ADGRV1: variants seen among roughly 807,000 people sequenced by gnomAD.
The protein encoded by ADGRV1 is adhesion G protein-coupled receptor V1.
Under a neutral mutation model 596.2 loss-of-function variants are expected in ADGRV1, and 359 were observed. That is an observed-to-expected ratio of 0.60 (90% CI 0.55 to 0.66). ADGRV1 has a LOEUF of 0.66. Ranked by LOEUF, ADGRV1 falls within the 30% of genes least tolerant of loss-of-function variation. The pLI, the probability that ADGRV1 is intolerant of heterozygous loss-of-function variation, is 0.00. For synonymous variants in ADGRV1, 2,681 were observed against 2,679.2 expected (o/e 1.00, Z -0.02); for missense variants, 7,274 against 7,575.6 (o/e 0.96, Z 1.48).
At chr5:90,662,289 G>T (rs1370069624) in intron 21 of ADGRV1, among the ~76,000 whole-genome samples, 1 of 151,264 alleles carries the variant, frequency 6.6e-6, no homozygotes, top group Non-Finnish European at 1.5e-5. Context: ...CACCTCCCGG[G>T]TTCACGCCAT....
At chr5:90,747,747 G>A (rs1480278123) in intron 52 of ADGRV1, among the ~76,000 whole-genome samples, 1 of 152,156 alleles carries the variant, frequency 6.6e-6, no homozygotes, top group East Asian at 1.9e-4. Context: ...CACAGTTTAG[G>A]CACTGGGAGC....
intron 83 of ADGRV1, among the ~76,000 whole-genome samples, chr5:90,874,107 C>T (rs1256610533): frequency 6.6e-6 from 1 of 152,134 alleles, no homozygotes; most frequent in Non-Finnish European, 1.5e-5. Flanking sequence ...CTCTGACCTC[C>T]ATCTCCCTCA....
intron 77 of ADGRV1, among the ~76,000 whole-genome samples, chr5:90,832,031 A>G (rs560080308): frequency 6.6e-6 from 1 of 152,316 alleles, no homozygotes; most frequent in East Asian, 1.9e-4. Context: ...TAGTGTTGCA[A>G]CAAACATGAG....
At chr5:90,647,951 T>TC (rs1768039484) in intron 17 of ADGRV1, among the ~76,000 whole-genome samples, 187 bp downstream of exon 17, 2 of 5,488 alleles carry the variant, frequency 3.6e-4, no homozygotes, top group African/African-American at 1.7e-3. Context: ...TTTATGTACT[T>TC]GTTGAACCTT....
chr5:91,107,167 C>T (rs1232955904), intron 87 of ADGRV1, among the ~76,000 whole-genome samples: 2 of 151,542 alleles, frequency 1.3e-5, no homozygotes, highest in East Asian at 3.9e-4. Context: ...GGTACTGATT[C>T]GGCTGGTCTG....
chr5:90,835,826 A>T (rs1764923826), intron 77 of ADGRV1, among the ~76,000 whole-genome samples: 2 of 152,220 alleles, frequency 1.3e-5, no homozygotes, highest in Non-Finnish European at 2.9e-5. Flanking sequence ...AATTTGTTGC[A>T]CACAGACCTA....
At chr5:90,579,470 A>C (rs1211553191) in intron 1 of ADGRV1, among the ~76,000 whole-genome samples, 1 of 152,174 alleles carries the variant, frequency 6.6e-6, no homozygotes, top group Non-Finnish European at 1.5e-5. Flanking sequence ...GGTCTGAGAG[A>C]CAGTTTGTTG....
intron 52 of ADGRV1, among the ~76,000 whole-genome samples, chr5:90,749,655 T>A (rs1199689468): frequency 1.3e-5 from 2 of 152,206 alleles, no homozygotes; most frequent in African/African-American, 2.4e-5. Flanking sequence ...TTCAAAAATC[T>A]TTACACTCCA....
chr5:90,961,224 C>T (rs913814054), intron 83 of ADGRV1, among the ~76,000 whole-genome samples: 12 of 152,006 alleles, frequency 7.9e-5, no homozygotes, highest in Non-Finnish European at 8.8e-5. Flanking sequence ...GTTTTGGCCG[C>T]GCGCAGCGGT....
chr5:90,777,065 G>A (rs957810302), intron 61 of ADGRV1, among the ~76,000 whole-genome samples: 2 of 152,148 alleles, frequency 1.3e-5, no homozygotes, highest in Admixed American at 1.3e-4. Flanking sequence ...ATGAAGAAAA[G>A]AGGTTTAATT....
intron 87 of ADGRV1, among the ~76,000 whole-genome samples, chr5:91,109,804 A>G (rs10071291): frequency 0.063 from 9,522 of 152,282 alleles, 415 homozygotes; most frequent in East Asian, 0.15. Flanking sequence ...TGGTTTCATA[A>G]AAAACCACAT....
intron 86 of ADGRV1, among the ~76,000 whole-genome samples, chr5:91,099,926 A>G (rs1791221990): frequency 1.3e-5 from 2 of 152,330 alleles, no homozygotes; most frequent in Non-Finnish European, 2.9e-5. Context: ...TAGGAGCAGC[A>G]ACAGCAGTGA....
intron 81 of ADGRV1, among the ~76,000 whole-genome samples, chr5:90,855,113 A>T (rs577578880): frequency 6.6e-6 from 1 of 152,198 alleles, no homozygotes; most frequent in Admixed American, 6.5e-5. Flanking sequence ...GAAGAGGCTC[A>T]AGTGATAGTC....
intron 59 of ADGRV1, among the ~76,000 whole-genome samples, chr5:90,773,906 T>C (rs1319000086): frequency 6.6e-6 from 1 of 152,182 alleles, no homozygotes; most frequent in Non-Finnish European, 1.5e-5. Context: ...GTGTGATCAT[T>C]TGGCTTTCTT....
chr5:91,088,575 C>A (rs1582020261), intron 86 of ADGRV1, among the ~76,000 whole-genome samples: 1 of 152,172 alleles, frequency 6.6e-6, no homozygotes, highest in Non-Finnish European at 1.5e-5. Flanking sequence ...ATTCATTAGT[C>A]TTAAACTATT....
At position 90,742,907 on chromosome 5, in the gene ADGRV1, T is replaced by G. The variant is rs189753308; in HGVS notation, c.10550-2139T>G. Among the ~76,000 whole-genome samples, 79 of 152,298 alleles carry G rather than the reference T, an allele frequency of 5.2e-4. 1 individual carries two copies. The highest frequency in any genetic ancestry group is 4.4e-3 in the Admixed American group (68 of 15,304). On this transcript the variant is annotated intron_variant, in intron 50 of 89. Coordinates refer to ENST00000405460, the MANE Select transcript of ADGRV1 (RefSeq NM_032119.4). ...GCAACTGGTGGGTGAATGGTAGTAC[T>G]GTAACTTTTGTGGTGGTGATTGCTT...
intron 83 of ADGRV1, among the ~76,000 whole-genome samples, chr5:90,890,863 T>G (rs914557120): frequency 6.6e-6 from 1 of 152,128 alleles, no homozygotes; most frequent in African/African-American, 2.4e-5. Context: ...TTTTTACTAT[T>G]TTTTATCTGC....
intron 87 of ADGRV1, among the ~76,000 whole-genome samples, chr5:91,133,807 G>T (rs1226776389): frequency 6.6e-6 from 1 of 152,104 alleles, no homozygotes; most frequent in Non-Finnish European, 1.5e-5. Flanking sequence ...TAATTTGTCA[G>T]GATTTTATAC....
chr5:91,125,243 A>G (rs1447427956), intron 87 of ADGRV1, among the ~76,000 whole-genome samples: 10 of 152,224 alleles, frequency 6.6e-5, no homozygotes, highest in Admixed American at 4.6e-4. Context: ...CTAAACTTGT[A>G]CGAGAGTCTT....
Sources: allele counts gnomAD v4.1 joint callset (sites outside exome capture counted in the v4.1 genomes callset), GRCh38; gene constraint gnomAD v4.1.1; transcripts MANE v1.5; gene names NCBI Gene and HGNC (gene_info 2026-07-23, HGNC 2026-07-21).